The following FGF12 variants were observed in gnomAD, a reference collection of about 807,000 sequenced individuals.
The protein encoded by FGF12 is fibroblast growth factor 12B.
FGF12 carries 14 observed loss-of-function variants against 23.6 expected under a neutral mutation model. That is an observed-to-expected ratio of 0.59 (90% confidence interval 0.39 to 0.93). The LOEUF (loss-of-function observed/expected upper bound fraction) is 0.93, where lower values mean the gene tolerates loss of function less well. Ranked by LOEUF, FGF12 falls within the 40% of genes least tolerant of loss-of-function variation. The pLI is 0.00. For missense variants in FGF12, 175 were observed against 217.8 expected, an observed-to-expected ratio of 0.80 and a Z score of 1.24; for synonymous variants, 62 against 77.3, an observed-to-expected ratio of 0.80 and a Z score of 1.04.
intron 4 of FGF12, among the ~76,000 whole-genome samples, chr3:192,198,813 C>T (rs1206994131): frequency 6.6e-6 from 1 of 152,172 alleles, no homozygotes; most frequent in Non-Finnish European, 1.5e-5. Flanking sequence ...TGTCCACCAT[C>T]AAAAGGAAAT....
At chr3:192,249,177 C>T (rs1032759678) in intron 4 of FGF12, among the ~76,000 whole-genome samples, 1 of 151,982 alleles carries the variant, frequency 6.6e-6, no homozygotes, top group African/African-American at 2.4e-5. Context: ...TAACTCCCAT[C>T]CAAGGTCCCT....
At chr3:192,323,416 T>C (rs573200081) in intron 4 of FGF12, among the ~76,000 whole-genome samples, 4 of 152,084 alleles carry the variant, frequency 2.6e-5, no homozygotes, top group Admixed American at 6.5e-5. Context: ...TGCAACAACA[T>C]TGATAGAACT....
intron 3 of FGF12, among the ~76,000 whole-genome samples, chr3:192,335,723 G>A (rs1290652111): frequency 6.6e-6 from 1 of 151,972 alleles, no homozygotes; most frequent in African/African-American, 2.4e-5. Context: ...AGGCCCAGCT[G>A]GATCTGAGAT....
At chr3:192,351,570 T>C (rs994763748) in intron 3 of FGF12, among the ~76,000 whole-genome samples, 3 of 152,204 alleles carry the variant, frequency 2.0e-5, no homozygotes, top group Non-Finnish European at 2.9e-5. Flanking sequence ...AAAAAGTAGA[T>C]GCATCTGTTG....
intron 2 of FGF12, among the ~76,000 whole-genome samples, chr3:192,496,361 A>T (rs993178190): frequency 1.3e-5 from 2 of 152,084 alleles, no homozygotes; most frequent in African/African-American, 4.8e-5. Context: ...AATCTGTTTG[A>T]CAAGAGTCTG....
chr3:192,350,569 G>C (rs1718173127), intron 3 of FGF12, among the ~76,000 whole-genome samples: 1 of 152,056 alleles, frequency 6.6e-6, no homozygotes, highest in Non-Finnish European at 1.5e-5. Flanking sequence ...GGAGTATGAA[G>C]ATTATGAGGG....
intron 2 of FGF12, among the ~76,000 whole-genome samples, chr3:192,590,105 A>G (rs1713558123): frequency 6.6e-6 from 1 of 151,788 alleles, no homozygotes; most frequent in Admixed American, 6.6e-5. Context: ...TCTCTCTCAA[A>G]GTCCTTTGCT....
chr3:192,634,162 A>T (rs62293051), intron 2 of FGF12, among the ~76,000 whole-genome samples: 23,238 of 150,952 alleles, frequency 0.15, 2,963 homozygotes, highest in African/African-American at 0.34. Flanking sequence ...TCTCTCTTTC[A>T]TCTTTTTCTT....
At chr3:192,524,878 T>C (rs1286292971) in intron 2 of FGF12, among the ~76,000 whole-genome samples, 2 of 152,166 alleles carry the variant, frequency 1.3e-5, no homozygotes, top group Non-Finnish European at 2.9e-5. Context: ...TTGCACAATC[T>C]CACCAAAGTT....
intron 5 of FGF12, among the ~76,000 whole-genome samples, chr3:192,164,933 T>C (rs1715078068): frequency 6.6e-6 from 1 of 152,170 alleles, no homozygotes. Flanking sequence ...AAAAATATTA[T>C]CGAAAACTTT....
Position 192,357,444 on chromosome 3 carries a change from T to A in FGF12, c.124+2984A>T, listed in dbSNP as rs189656109. On this transcript the variant is annotated intron_variant, in intron 3 of 5. Transcript: ENST00000445105. ...TTGTACTGAGCCGAGATCACACCACTATACTCCAGCCTAGTGACAGAGTGA... is the reference window on the plus strand; with the variant it reads ...TTGTACTGAGCCGAGATCACACCACAATACTCCAGCCTAGTGACAGAGTGA... 3.0e-3 allele frequency among the ~76,000 whole-genome samples: 448 copies of A among 151,420 alleles called. 1 individual carries two copies. The highest frequency in any genetic ancestry group is 0.01 in the African/African-American group (427 of 41,220).
intron 5 of FGF12, among the ~76,000 whole-genome samples, chr3:192,161,957 T>TA (rs1363826641): frequency 6.6e-6 from 1 of 152,096 alleles, no homozygotes; most frequent in Non-Finnish European, 1.5e-5. Context: ...GTTTTCCAAA[T>TA]AAAAACAATT....
At chr3:192,179,619 C>T (rs1205659432) in intron 4 of FGF12, among the ~76,000 whole-genome samples, 1 of 150,990 alleles carries the variant, frequency 6.6e-6, no homozygotes, top group African/African-American at 2.4e-5. Context: ...AATCTTTGCT[C>T]ACTGCAACCT....
chr3:192,339,156 G>A (rs928824788), intron 3 of FGF12, among the ~76,000 whole-genome samples: 6 of 152,130 alleles, frequency 3.9e-5, no homozygotes, highest in African/African-American at 1.2e-4. Context: ...GATTTGAAAC[G>A]AGACTTTATT....
At chr3:192,320,645 A>G (rs1469584593) in intron 4 of FGF12, among the ~76,000 whole-genome samples, 3 of 152,172 alleles carry the variant, frequency 2.0e-5, no homozygotes, top group Non-Finnish European at 4.4e-5. Flanking sequence ...CTAGGAATCA[A>G]TAAAAAGGGG....
At chr3:192,531,562 G>A (rs755713763) in intron 2 of FGF12, among the ~76,000 whole-genome samples, 12 of 151,534 alleles carry the variant, frequency 7.9e-5, no homozygotes, top group East Asian at 3.9e-4. Context: ...CTTTTTCTCC[G>A]GTCAGAACCT....
chr3:192,350,620 G>A lies in FGF12; in HGVS notation c.124+9808C>T, dbSNP rs1032371059. The stretch of plus-strand genomic sequence containing the variant: ...TATTTGGAAGGACATTCCAGAAAGA[G>A]GGGGATAGCTGGTCCCAATGCCTTC... On this transcript the variant is annotated intron_variant, in intron 3 of 5. Coordinates refer to ENST00000445105, the MANE Select transcript of FGF12 (RefSeq NM_004113.6). 5.3e-5 allele frequency among the ~76,000 whole-genome samples: 8 copies of A among 152,268 alleles called. No individual in the cohort carries two copies. The East Asian group carries it at 1.2e-3, about 22-fold the overall frequency.
intron 4 of FGF12, among the ~76,000 whole-genome samples, chr3:192,194,513 C>A (rs1314795886): frequency 2.0e-5 from 3 of 152,172 alleles, no homozygotes; most frequent in Non-Finnish European, 4.4e-5. Context: ...TCATTCACAG[C>A]ACTAAACATC....
intron 2 of FGF12, among the ~76,000 whole-genome samples, chr3:192,460,418 G>A (rs769471009): frequency 2.0e-5 from 3 of 152,122 alleles, no homozygotes. Flanking sequence ...TAGAGGAATG[G>A]CAGCGAAGTT....
Sources: gnomAD v4.1 joint callset for allele counts (sites outside exome capture counted in the v4.1 genomes callset) on GRCh38, gnomAD v4.1.1 for gene constraint, MANE v1.5 for transcripts, NCBI Gene and HGNC (gene_info 2026-07-23, HGNC 2026-07-21) for gene names.